The following TTC19 variants were observed in gnomAD, a reference collection of about 807,000 sequenced individuals.
TTC19 encodes the protein tetratricopeptide repeat protein 19, mitochondrial.
TTC19 carries 38 observed loss-of-function variants against 49.5 expected under a neutral mutation model. The ratio of observed to expected loss-of-function variants is 0.77; its 90% CI spans 0.59 to 1.01. The LOEUF is 1.01. TTC19 is among the 50% of genes least tolerant of loss of function. TTC19 has a pLI of 0.00. For missense variants in TTC19, 475 were observed against 477.7 expected (o/e 0.99, Z 0.05); for synonymous variants, 204 against 185.2 (o/e 1.10, Z -0.83).
chr17:16,009,209 C>T (rs895251667), intron 7 of TTC19, among the ~76,000 whole-genome samples: 7 of 152,206 alleles, frequency 4.6e-5, no homozygotes, highest in Admixed American at 1.3e-4. Flanking sequence ...AAGTAAGTCA[C>T]TTCTGAACTA....
chr17:16,028,716 TA>T lies in TTC19; in HGVS notation c.*1197del. The T allele has an allele frequency of 2.2e-6, 1 of 448,730 alleles. No homozygotes were observed. Among genetic ancestry groups the T allele is most frequent in the South Asian group, 1.6e-5 (1 of 64,260 alleles). 27.8% of individuals were successfully genotyped at this position (448,730 alleles called of 1,614,324 possible). ...GGGGGTGGGATGTGAGTGGGACTGA[TA>T]AACTGATACTTTTGGTTCGTATGTA... On this transcript the variant is annotated 3_prime_UTR_variant, in exon 10 of 10. Coordinates refer to ENST00000261647, the MANE Select transcript of TTC19 (RefSeq NM_017775.4).
chr17:16,038,269 G>GT (rs943039541), intron 2 of TTC19, among the ~76,000 whole-genome samples: 2 of 152,020 alleles, frequency 1.3e-5, no homozygotes, highest in Non-Finnish European at 2.9e-5. Context: ...GATTATTATG[G>GT]TTTTTTTGTG....
At chr17:16,002,609 CA>C (rs1225208710) in intron 3 of TTC19, 183 bp from the exon 4 acceptor site, 1 of 638,738 alleles carries the variant, frequency 1.6e-6, no homozygotes, top group Admixed American at 2.4e-5. Context: ...AAAGTATGTG[CA>C]AGTATTTAAT....
chr17:16,034,251 G>A (rs1973475882), downstream of TTC19, among the ~76,000 whole-genome samples: 1 of 152,060 alleles, frequency 6.6e-6, no homozygotes, highest in Admixed American at 6.5e-5. Context: ...TTTGTTTATG[G>A]TAATCAGGCT....
At chr17:16,026,353 T>C (rs911399982) in intron 8 of TTC19, among the ~76,000 whole-genome samples, 187 bp from the exon 9 acceptor site, 4 of 152,188 alleles carry the variant, frequency 2.6e-5, no homozygotes, top group African/African-American at 9.7e-5. Flanking sequence ...CGAACTAACA[T>C]TGTCCACTGT....
At chr17:16,039,574 T>C (rs749587059) in intron 2 of TTC19, 9 of 1,614,138 alleles carry the variant, frequency 5.6e-6, no homozygotes, top group South Asian at 1.1e-5. Context: ...AAGCTTCCCA[T>C]GAGAGCCTTC....
At position 16,025,171 on chromosome 17, in the gene TTC19, G is replaced by C; in HGVS notation, c.831G>C (p.Gln277His). Residue 277 changes from glutamine to histidine, a missense_variant and splice_region_variant, in exon 8 of 10, where the codon CAG becomes CAC. Gln to His is a conservative substitution (Grantham distance 24, BLOSUM62 0). Transcript: ENST00000261647. ...AAATACAAGGAGAAAGACACCCACA[G>C]GTAAGGGAGGAAAACACAGAAGGGG... ...SEEIQGERHP[Q>H]TIVLMSDLAT... 6 of 1,613,370 alleles carry C rather than the reference G, an allele frequency of 3.7e-6. No homozygotes were observed. The highest frequency in any genetic ancestry group is 5.1e-6 in the Non-Finnish European group (6 of 1,179,612).
At chr17:16,044,978 T>A in exon 3 of TTC19, 1 of 508,854 alleles carries the variant, frequency 2.0e-6, no homozygotes, top group Non-Finnish European at 3.5e-6. Context: ...TATAACGTGT[T>A]CAATACAAAG....
Position 16,000,049 on chromosome 17 carries a change from G to A in TTC19, c.184+17G>A, listed in dbSNP as rs1332665159. ...TGCTGGCAGGTGAGGGGCGCGGGCC[G>A]GGCGGGGCCGGCCGGGCGGGGACAG... On this transcript the variant is annotated intron_variant, in intron 1 of 9. Coordinates refer to ENST00000261647, the MANE Select transcript of TTC19 (RefSeq NM_017775.4). 2.3e-6 allele frequency: 3 copies of A among 1,278,152 alleles called. No individual in the cohort carries two copies. Among genetic ancestry groups the A allele is most frequent in the African/African-American group, 3.2e-5 (2 of 62,530 alleles). 79.2% of individuals were successfully genotyped at this position (1,278,152 alleles called of 1,614,324 possible). A position where few individuals can be genotyped will look rare whatever the true frequency, so the allele number is the denominator to read the frequency against.
At chr17:16,034,625 G>A in intron 2 of TTC19, 1 of 785,362 alleles carries the variant, frequency 1.3e-6, no homozygotes, top group South Asian at 2.1e-5. Flanking sequence ...TTCTATTCGG[G>A]AAAGTGGAAC....
chr17:16,015,637 A>T (rs1047627154), intron 7 of TTC19, among the ~76,000 whole-genome samples: 10 of 152,154 alleles, frequency 6.6e-5, no homozygotes, highest in South Asian at 2.1e-4. Context: ...ATGAGTGCTT[A>T]AAGTCTGGAG....
At chr17:16,017,865 C>T (rs892579606) in intron 7 of TTC19, among the ~76,000 whole-genome samples, 1 of 152,164 alleles carries the variant, frequency 6.6e-6, no homozygotes, top group Non-Finnish European at 1.5e-5. Flanking sequence ...TTTTCAGTTC[C>T]TCTTACAGGA....
intron 2 of TTC19, chr17:16,039,763 C>G (rs761221659): frequency 2.9e-5 from 28 of 963,194 alleles, no homozygotes; most frequent in South Asian, 2.0e-4. Flanking sequence ...GGCAAGTGAC[C>G]TAGAACAATA....
At chr17:16,003,642 T>C (rs907412199) in intron 4 of TTC19, among the ~76,000 whole-genome samples, 189 bp from the exon 5 acceptor site, 6 of 152,046 alleles carry the variant, frequency 3.9e-5, no homozygotes, top group African/African-American at 1.4e-4. Flanking sequence ...CAGAGGATGT[T>C]GAGGGTCCTG....
In TTC19 at chr17:16,028,000, C is replaced by CTGTT. The variant is rs1414803747; in HGVS notation, c.*480_*483dup. On this transcript the variant is annotated 3_prime_UTR_variant, in exon 10 of 10. Transcript: ENST00000261647. ...TATGGTGAATTGTTGTTCTTATAGT[C>CTGTT]TGTTTCATGAAGCACAAGTGGAATT... is the stretch of plus-strand genomic sequence containing the variant. 3 of 454,182 alleles carry CTGTT rather than the reference C, an allele frequency of 6.6e-6. No individual in the cohort carries two copies. In the Admixed American group the frequency reaches 7.0e-5, roughly 11 times the overall value. The allele number at this position is 454,182 out of a possible 1,614,324, so 28.1% of individuals were successfully genotyped here. A position where few individuals can be genotyped will look rare whatever the true frequency, so the allele number is the denominator to read the frequency against.
chr17:16,028,143 A>G lies in TTC19; in HGVS notation c.*621A>G, dbSNP rs181872646. 4.8e-5 allele frequency: 22 copies of G among 454,094 alleles called. No homozygotes were observed. The highest frequency in any genetic ancestry group is 7.9e-5 in the Non-Finnish European group (18 of 226,784). The allele number at this position is 454,094 out of a possible 1,614,324, so 28.1% of individuals were successfully genotyped here. A position where few individuals can be genotyped will look rare whatever the true frequency, so the allele number is the denominator to read the frequency against. On this transcript the variant is annotated 3_prime_UTR_variant, in exon 10 of 10. Coordinates refer to ENST00000261647, the MANE Select transcript of TTC19 (RefSeq NM_017775.4). ...ATTTGAATTTAAATAAAAGTGAACC[A>G]TATTTATCTGGTTATATAAAACTAA...
At position 16,003,885 on chromosome 17, in the gene TTC19, C is replaced by T. The variant is rs387907094; in HGVS notation, c.517C>T (p.Gln173Ter). 6.2e-7 allele frequency: 1 copy of T among 1,613,678 alleles called. No individual in the cohort carries two copies. Among genetic ancestry groups the T allele is most frequent in the Non-Finnish European group, 8.5e-7 (1 of 1,179,788 alleles). ...TTACCTCCTTGGAGGGGGCATGAAG[C>T]AGGTAAGGACATTGCCTAGTATTGG... ...MSYLLGGGMK[Q>*]EDNAIIEISL... is the part of the protein sequence containing the mutation. Residue 173 changes from glutamine (Q) to a stop codon, truncating the protein, a stop_gained and splice_region_variant, in exon 5 of 10, where the codon CAG becomes TAG. Coordinates refer to ENST00000261647, the MANE Select transcript of TTC19 (RefSeq NM_017775.4). LOFTEE classifies it high-confidence loss of function.
chr17:16,001,458 C>T (rs1026303317), intron 2 of TTC19, among the ~76,000 whole-genome samples: 5 of 152,194 alleles, frequency 3.3e-5, no homozygotes, highest in Non-Finnish European at 7.3e-5. Flanking sequence ...CATTCTCATC[C>T]TTACTACCTC....
chr17:16,033,336 CAA>C (rs59285422), downstream of TTC19, among the ~76,000 whole-genome samples: 162 of 57,424 alleles, frequency 2.8e-3, 1 homozygote, highest in African/African-American at 7.9e-3. Context: ...ACTCCGTCTC[CAA>C]AAAAAAAAAA....
Sources: allele counts gnomAD v4.1 joint callset (sites outside exome capture counted in the v4.1 genomes callset), GRCh38; gene constraint gnomAD v4.1.1; transcripts MANE v1.5; gene names NCBI Gene and HGNC (gene_info 2026-07-23, HGNC 2026-07-21).